Variants in WAC observed in about 807,000 individuals in gnomAD.
The protein encoded by WAC is WW domain containing adaptor with coiled-coil.
Under a neutral mutation model 79.6 loss-of-function variants are expected in WAC, and 11 were observed. The observed-to-expected ratio is 0.14, with a 90% CI of 0.09 to 0.23. WAC has a LOEUF of 0.23. Ranked by LOEUF, WAC falls within the 10% of genes least tolerant of loss-of-function variation. WAC has a pLI of 1.00. For missense variants in WAC, 728 were observed against 773.5 expected (o/e 0.94, Z 0.70); for synonymous variants, 304 against 276.9 (o/e 1.10, Z -0.97).
intron 3 of WAC, among the ~76,000 whole-genome samples, chr10:28,553,179 A>C (rs1837786488): frequency 6.6e-6 from 1 of 152,200 alleles, no homozygotes; most frequent in African/African-American, 2.4e-5. Context: ...AAATTGAGAA[A>C]CAAGGTTGAA....
chr10:28,608,577 A>C, intron 8 of WAC, 146 bp downstream of exon 8: 1 of 925,494 alleles, frequency 1.1e-6, no homozygotes, highest in Non-Finnish European at 1.6e-6. Flanking sequence ...TTGTTTTTGG[A>C]GTTTGGAAAT....
intron 12 of WAC, among the ~76,000 whole-genome samples, chr10:28,616,793 A>G (rs1234098581): frequency 2.6e-5 from 4 of 152,198 alleles, no homozygotes; most frequent in Non-Finnish European, 5.9e-5. Context: ...CTGTTAATCT[A>G]CTGGCCAAGC....
chr10:28,601,942 A>C lies in WAC; in HGVS notation c.919+5901A>C, dbSNP rs577818697. Among the ~76,000 whole-genome samples, 53 of 152,290 alleles carry C rather than the reference A, an allele frequency of 3.5e-4. No homozygotes were observed. The East Asian group carries it at 6.8e-3, about 19-fold the overall frequency. On this transcript the variant is annotated intron_variant, in intron 7 of 13. Coordinates refer to ENST00000354911, the MANE Select transcript of WAC (RefSeq NM_016628.5). ...TAAGTTTCTGTTTGGGAAGATGAAA[A>C]TGTTCTGGAGACGTATAGTGGTGAT...
At position 28,620,239 on chromosome 10, in the gene WAC, T is replaced by C; in HGVS notation, c.*633T>C. 1 of 152,688 alleles carries C rather than the reference T, an allele frequency of 6.5e-6. No individual in the cohort carries two copies. The highest frequency in any genetic ancestry group is 1.9e-4 in the East Asian group (1 of 5,204). The allele number at this position is 152,688 out of a possible 1,614,324, so 9.5% of individuals were successfully genotyped here. Reference sequence around the variant, plus strand: ...CATTTTTTTAAGGCTCCTCTTTATCTCCTTTCTTAAGGCACTGTTGCTATG... The same window carrying C: ...CATTTTTTTAAGGCTCCTCTTTATCCCCTTTCTTAAGGCACTGTTGCTATG... On this transcript the variant is annotated 3_prime_UTR_variant, in exon 14 of 14. Transcript: ENST00000354911.
At chr10:28,610,175 C>T (rs190296924) in intron 8 of WAC, among the ~76,000 whole-genome samples, 1 of 152,158 alleles carries the variant, frequency 6.6e-6, no homozygotes, top group African/African-American at 2.4e-5. Flanking sequence ...TTAGGCGATC[C>T]ACCTGCCTCA....
At position 28,533,465 on chromosome 10, in the gene WAC, C is replaced by A; in HGVS notation, c.-115C>A. 2 of 483,992 alleles carry A rather than the reference C, an allele frequency of 4.1e-6. No homozygotes were observed. The highest frequency in any genetic ancestry group is 5.4e-6 in the Non-Finnish European group (2 of 367,094). 30.0% of individuals were successfully genotyped at this position (483,992 alleles called of 1,614,324 possible). On this transcript the variant is annotated 5_prime_UTR_variant, in exon 1 of 14. Transcript: ENST00000354911. ...GCTGATGAGAGTCGCCGAGGGCGCG[C>A]CGGGCCCAGGTGCCGGGGCTGCCCG... is the stretch of plus-strand genomic sequence containing the variant.
rs1034013997 is a variant in WAC at position 28,594,260 on chromosome 10, C to G, written c.611-1473C>G. ...ATACATTTTGACTAGCGATATAGAA[C>G]TGAAAGGAAGTTTTCTTGGTTGAGG... On this transcript the variant is annotated intron_variant, in intron 6 of 13. Coordinates refer to ENST00000354911, the MANE Select transcript of WAC (RefSeq NM_016628.5). Among the ~76,000 whole-genome samples the G allele has an allele frequency of 3.9e-5, 6 of 152,158 alleles. No homozygotes were observed. The East Asian group carries it at 1.2e-3, about 29-fold the overall frequency.
chr10:28,542,990 C>T (rs537058590), intron 3 of WAC, among the ~76,000 whole-genome samples: 2 of 152,140 alleles, frequency 1.3e-5, no homozygotes, highest in African/African-American at 4.8e-5. Context: ...TTGAATAGTG[C>T]CTGAAACTTT....
At chr10:28,577,308 G>A (rs1028040508) in intron 3 of WAC, among the ~76,000 whole-genome samples, 1 of 152,024 alleles carries the variant, frequency 6.6e-6, no homozygotes, top group Non-Finnish European at 1.5e-5. Context: ...CTAAATAGCT[G>A]CATTTTTATC....
chr10:28,566,236 T>C (rs1564389901), intron 3 of WAC, among the ~76,000 whole-genome samples: 1 of 152,072 alleles, frequency 6.6e-6, no homozygotes, highest in African/African-American at 2.4e-5. Flanking sequence ...AAATTAAATG[T>C]TTGTTAAGTG....
intron 3 of WAC, among the ~76,000 whole-genome samples, chr10:28,579,032 A>G (rs1323716183): frequency 6.6e-6 from 1 of 152,118 alleles, no homozygotes; most frequent in African/African-American, 2.4e-5. Flanking sequence ...AGTCATTCCC[A>G]ATAGCATCCT....
rs1362810626 is a variant in WAC at position 28,589,737 on chromosome 10, C to G, written c.383C>G (p.Pro128Arg). ...AATTGTAAAAAATATATTTTTAAGC[C>G]TTATGATTCTGCAGATGACTGGTCT... is the stretch of plus-strand genomic sequence containing the variant. ...SNNPSKTSDA[P>R]YDSADDWSEH... is the part of the protein sequence containing the mutation. Residue 128 changes from proline (P) to arginine (R), a missense_variant and splice_region_variant, in exon 5 of 14, where the codon CCT (proline) becomes CGT (arginine). Pro to Arg is a moderately radical substitution (Grantham distance 103). Around this residue, in one of 3 missense-constraint regions of WAC, gnomAD observed 648 missense variants for 661.5 expected, o/e 0.98. Transcript: ENST00000354911. The G allele has an allele frequency of 3.8e-6, 6 of 1,583,942 alleles. No individual in the cohort carries two copies. Among genetic ancestry groups the G allele is most frequent in the African/African-American group, 1.4e-5 (1 of 73,828 alleles).
intron 3 of WAC, among the ~76,000 whole-genome samples, chr10:28,552,107 C>T (rs906788954): frequency 1.3e-5 from 2 of 152,236 alleles, no homozygotes; most frequent in East Asian, 1.9e-4. Context: ...GCCACCACCA[C>T]GCCCAGCCCT....
rs1177233440 is a variant in WAC, at chr10:28,538,857, C to T, written c.274+3100C>T. On this transcript the variant is annotated intron_variant, in intron 3 of 13. Transcript: ENST00000354911. ...CTAACCTGGGTTGATAGAGTGAGAC[C>T]CGTCTGTTTAAAAAAAAAAAAAAAA... Among the ~76,000 whole-genome samples the T allele has an allele frequency of 2.9e-5, 4 of 135,738 alleles. No homozygotes were observed. In the East Asian group the frequency reaches 8.4e-4, roughly 28 times the overall value. The allele number at this position is 135,738 out of a possible 152,430, so 89.0% of individuals were successfully genotyped here. A position where few individuals can be genotyped will look rare whatever the true frequency, so the allele number is the denominator to read the frequency against.
rs776958351 is a variant in WAC, at chr10:28,595,836, G to A, written c.714G>A (p.Glu238=). The part of the protein sequence containing the change: ...NDRDYRLPRA[E]THSSSTPVQH... ...GAGACTACAGACTGCCAAGAGCAGA[G>A]ACTCACAGTAGTTCTACGCCAGTAC... Residue 238 remains glutamate, a synonymous_variant, in exon 7 of 14, where the codon GAG becomes GAA. Transcript: ENST00000354911. The A allele has an allele frequency of 6.2e-6, 10 of 1,614,122 alleles. No homozygotes were observed. In the South Asian group the frequency reaches 1.1e-4, roughly 18 times the overall value.
chr10:28,610,646 T>C (rs1841191761), intron 8 of WAC, 53 bp from the exon 9 acceptor site: 1 of 1,526,378 alleles, frequency 6.6e-7, no homozygotes, highest in Admixed American at 2.0e-5. Flanking sequence ...TTGTTACTAA[T>C]GCCACATAAG....
At chr10:28,545,920 A>C (rs972560485) in intron 3 of WAC, among the ~76,000 whole-genome samples, 13 of 152,360 alleles carry the variant, frequency 8.5e-5, no homozygotes, top group Non-Finnish European at 5.9e-5. Flanking sequence ...GAGACACTTC[A>C]GTGGTAAATT....
chr10:28,558,105 T>C (rs977150152), intron 3 of WAC, among the ~76,000 whole-genome samples: 1 of 152,102 alleles, frequency 6.6e-6, no homozygotes, highest in African/African-American at 2.4e-5. Flanking sequence ...TTAGAGTCAC[T>C]TGAAACACTT....
chr10:28,593,349 C>A (rs1840193716), intron 6 of WAC, among the ~76,000 whole-genome samples: 1 of 151,944 alleles, frequency 6.6e-6, no homozygotes, highest in Non-Finnish European at 1.5e-5. Flanking sequence ...AATAAAAGAA[C>A]TTTAGGGGAT....
Sources: gnomAD v4.1 joint callset for allele counts (sites outside exome capture counted in the v4.1 genomes callset) on GRCh38, gnomAD v4.1.1 for gene constraint, gnomAD v4.1.1 regional missense constraint, MANE v1.5 for transcripts, NCBI Gene and HGNC (gene_info 2026-07-23, HGNC 2026-07-21) for gene names.